ZSWIM6: variants seen among roughly 807,000 people sequenced by gnomAD.
ZSWIM6 encodes the protein zinc finger SWIM domain-containing protein 6.
A neutral mutation model predicts 113.2 loss-of-function variants in ZSWIM6; 9 were observed. The observed-to-expected ratio is 0.08, with a 90% CI of 0.05 to 0.14. The LOEUF is 0.14. Among genes scored for constraint, ZSWIM6 ranks in the 10% least tolerant of loss-of-function variants. The pLI is 1.00. For synonymous variants in ZSWIM6, 611 were observed against 606.5 expected (o/e 1.01, Z -0.11); for missense variants, 1,162 against 1,552.2 (o/e 0.75, Z 4.22).
intron 1 of ZSWIM6, among the ~76,000 whole-genome samples, chr5:61,362,644 C>A (rs1745054130): frequency 6.6e-6 from 1 of 152,052 alleles, no homozygotes; most frequent in African/African-American, 2.4e-5. Context: ...TGTTGGTGTC[C>A]CTATCGTCTA....
chr5:61,449,757 T>C (rs1747046176), intron 1 of ZSWIM6, among the ~76,000 whole-genome samples: 1 of 152,188 alleles, frequency 6.6e-6, no homozygotes, highest in African/African-American at 2.4e-5. Context: ...ACCCATTCCA[T>C]CACTTTATGC....
At chr5:61,383,896 T>C (rs947284802) in intron 1 of ZSWIM6, among the ~76,000 whole-genome samples, 1 of 151,810 alleles carries the variant, frequency 6.6e-6, no homozygotes. Flanking sequence ...GTTTAAGTAA[T>C]AGGACATCTT....
chr5:61,417,761 G>T (rs538216328), intron 1 of ZSWIM6, among the ~76,000 whole-genome samples: 1 of 152,320 alleles, frequency 6.6e-6, no homozygotes, highest in South Asian at 2.1e-4. Flanking sequence ...TTAAATAACT[G>T]ATATACTCAA....
At chr5:61,365,640 A>G (rs1007756655) in intron 1 of ZSWIM6, among the ~76,000 whole-genome samples, 6 of 152,210 alleles carry the variant, frequency 3.9e-5, no homozygotes, top group Non-Finnish European at 7.3e-5. Flanking sequence ...TTTGTCTCAC[A>G]GTAAACAGTG....
chr5:61,433,991 TATATATGTATAATAAAA>T (rs1277064478), intron 1 of ZSWIM6, among the ~76,000 whole-genome samples: 3 of 148,116 alleles, frequency 2.0e-5, no homozygotes, highest in Non-Finnish European at 4.5e-5. Flanking sequence ...ATCTGTATAA[TATATATGTATAATAAAA>T]ATATATGTAT....
intron 4 of ZSWIM6, among the ~76,000 whole-genome samples, chr5:61,497,048 AACTCCTTAGC>A (rs1299137461): frequency 6.6e-6 from 1 of 151,844 alleles, no homozygotes; most frequent in Non-Finnish European, 1.5e-5. Context: ...TCAGATGCTT[AACTCCTTAGC>A]ACTGGTGGAT....
In ZSWIM6 at chr5:61,332,782, C is replaced by A; in HGVS notation, c.510C>A (p.Ala170=). 1 of 794,056 alleles carries A rather than the reference C, an allele frequency of 1.3e-6. No individual in the cohort carries two copies. The highest frequency in any genetic ancestry group is 1.5e-6 in the Non-Finnish European group (1 of 664,794). 49.2% of individuals were successfully genotyped at this position (794,056 alleles called of 1,614,324 possible). A position where few individuals can be genotyped will look rare whatever the true frequency, so the allele number is the denominator to read the frequency against. ...CCTCGGCGGCCGCAACCTCGGCCGC[C>A]GCCGCCGCTGCCGCCGCCGCCGCCG... ...AATSAAATSA[A]AAAAAAAAAA... The change falls in exon 1 of 14, where the codon GCC becomes GCA. Residue 170 remains alanine, a synonymous_variant. Transcript: ENST00000252744.
At chr5:61,532,486 GTTA>G (rs1369010638) in intron 9 of ZSWIM6, among the ~76,000 whole-genome samples, 9 of 152,084 alleles carry the variant, frequency 5.9e-5, no homozygotes, top group South Asian at 2.1e-4. Flanking sequence ...TTATTAGTGT[GTTA>G]TTATGGGATT....
chr5:61,445,000 GA>G lies in ZSWIM6; in HGVS notation c.677-27678del, dbSNP rs1746921074. Among the ~76,000 whole-genome samples the G allele has an allele frequency of 3.9e-5, 6 of 152,322 alleles. No individual in the cohort carries two copies. In the South Asian group the frequency reaches 1.2e-3, roughly 32 times the overall value. ...TAGTTAATAGGACATTTATTCTGCA[GA>G]AACCCTATCATTCTAACATGTCACA... On this transcript the variant is annotated intron_variant, in intron 1 of 13. Coordinates refer to ENST00000252744, the MANE Select transcript of ZSWIM6 (RefSeq NM_020928.2).
chr5:61,509,042 C>T (rs1680559492), intron 4 of ZSWIM6, among the ~76,000 whole-genome samples: 1 of 152,098 alleles, frequency 6.6e-6, no homozygotes, highest in African/African-American at 2.4e-5. Context: ...TGGTTATTCT[C>T]CAAATGCTAG....
At chr5:61,364,399 T>C (rs1745109213) in intron 1 of ZSWIM6, among the ~76,000 whole-genome samples, 1 of 152,190 alleles carries the variant, frequency 6.6e-6, no homozygotes, top group Non-Finnish European at 1.5e-5. Flanking sequence ...TTGTGTAGCC[T>C]GCAAACTAAG....
rs534800281 is a variant in ZSWIM6, at chr5:61,511,788, A to T, written c.1334-9475A>T. On this transcript the variant is annotated intron_variant, in intron 4 of 13. Coordinates refer to ENST00000252744, the MANE Select transcript of ZSWIM6 (RefSeq NM_020928.2). Reference sequence around the variant, plus strand: ...ATTTTTGTTATAGCAGCCTAAATAGACTAAGACACTTACCTTTAAAATAGA... The same window carrying T: ...ATTTTTGTTATAGCAGCCTAAATAGTCTAAGACACTTACCTTTAAAATAGA... Among the ~76,000 whole-genome samples the T allele has an allele frequency of 4.6e-5, 7 of 152,260 alleles. No individual in the cohort carries two copies. The South Asian group carries it at 1.2e-3, about 27-fold the overall frequency.
intron 1 of ZSWIM6, among the ~76,000 whole-genome samples, chr5:61,409,198 T>G (rs1268989683): frequency 6.6e-6 from 1 of 151,274 alleles, no homozygotes; most frequent in Non-Finnish European, 1.5e-5. Context: ...TCAAAGGCCA[T>G]TTTGTTTTTG....
At chr5:61,459,879 A>G (rs888333630) in intron 1 of ZSWIM6, among the ~76,000 whole-genome samples, 3 of 152,182 alleles carry the variant, frequency 2.0e-5, no homozygotes, top group African/African-American at 7.2e-5. Flanking sequence ...TTTGCCACTC[A>G]AATTTTAAGG....
At chr5:61,393,835 T>G (rs1262809800) in intron 1 of ZSWIM6, among the ~76,000 whole-genome samples, 4 of 152,160 alleles carry the variant, frequency 2.6e-5, no homozygotes, top group Non-Finnish European at 5.9e-5. Flanking sequence ...TGGGTCTGGT[T>G]TTTTGTAAAT....
chr5:61,482,793 C>A (rs987796255), intron 2 of ZSWIM6, among the ~76,000 whole-genome samples: 4 of 151,942 alleles, frequency 2.6e-5, no homozygotes, highest in African/African-American at 7.3e-5. Context: ...AAATGGAGGC[C>A]CGAAGAGCTT....
At position 61,359,877 on chromosome 5, in the gene ZSWIM6, A is replaced by G. The variant is rs78289066; in HGVS notation, c.676+26929A>G. On this transcript the variant is annotated intron_variant, in intron 1 of 13. Transcript: ENST00000252744. ...CAAAACACCAAAAACCTACCATTAG[A>G]TAGATGTTTTCAGCAGAGAAAGATT... is the stretch of plus-strand genomic sequence containing the variant. 6.5e-3 allele frequency among the ~76,000 whole-genome samples: 995 copies of G among 152,258 alleles called. 8 individuals are homozygous for G. The highest frequency in any genetic ancestry group is 0.02 in the African/African-American group (841 of 41,536).
At chr5:61,500,589 G>A (rs978569085) in intron 4 of ZSWIM6, among the ~76,000 whole-genome samples, 4 of 152,096 alleles carry the variant, frequency 2.6e-5, no homozygotes, top group African/African-American at 7.2e-5. Flanking sequence ...ACCATAGTCC[G>A]CTGAGCTTAC....
intron 1 of ZSWIM6, among the ~76,000 whole-genome samples, chr5:61,403,747 C>T (rs564371186): frequency 1.3e-5 from 2 of 152,100 alleles, no homozygotes; most frequent in South Asian, 2.1e-4. Flanking sequence ...GAGTGGAAAC[C>T]TTTTTTGGCC....
Sources: gnomAD v4.1 joint callset for allele counts (sites outside exome capture counted in the v4.1 genomes callset) on GRCh38, gnomAD v4.1.1 for gene constraint, MANE v1.5 for transcripts, NCBI Gene and HGNC (gene_info 2026-07-23, HGNC 2026-07-21) for gene names.